The following VAMP2 variants were observed in gnomAD, a reference collection of about 807,000 sequenced individuals.
VAMP2 encodes vesicle-associated membrane protein 2.
For missense variants in VAMP2, 95 were observed against 151.3 expected, an observed-to-expected ratio of 0.63 and a Z score of 1.95; for synonymous variants, 67 against 57.3, an observed-to-expected ratio of 1.17 and a Z score of -0.76.
intron 4 of VAMP2, 37 bp downstream of exon 4, chr17:8,161,436 C>T (rs1488350729): frequency 6.2e-7 from 1 of 1,612,620 alleles, no homozygotes; most frequent in Non-Finnish European, 8.5e-7. Flanking sequence ...GGAAACCTCT[C>T]CAGGGAAAGG....
At position 8,161,451 on chromosome 17, in the gene VAMP2, C is replaced by T. The variant is rs529841013; in HGVS notation, c.334+22G>A. On this transcript the variant is annotated intron_variant, in intron 4 of 4. Coordinates refer to ENST00000316509, the MANE Select transcript of VAMP2 (RefSeq NM_014232.3). The stretch of plus-strand genomic sequence containing the variant: ...GGAAACCTCTCCAGGGAAAGGGCCC[C>T]GGCCATTCTCACCCTACTCACCTAT... 9 of 1,613,688 alleles carry T rather than the reference C, an allele frequency of 5.6e-6. No individual in the cohort carries two copies. The East Asian group carries it at 1.3e-4, about 24-fold the overall frequency.
At chr17:8,161,562 G>T (rs1983313806) in intron 3 of VAMP2, 38 bp from the exon 4 acceptor site, 1 of 1,613,970 alleles carries the variant, frequency 6.2e-7, no homozygotes, top group Non-Finnish European at 8.5e-7. Flanking sequence ...GACAAACTAT[G>T]ATACCCCATT....
At chr17:8,162,663 G>A in intron 1 of VAMP2, 2 of 1,387,934 alleles carry the variant, frequency 1.4e-6, no homozygotes, top group Non-Finnish European at 1.9e-6. Context: ...GGGAGGGGCA[G>A]GAGGACACTG....
At position 8,160,752 on chromosome 17, in the gene VAMP2, G is replaced by A. The variant is rs1047232573; in HGVS notation, c.*103C>T. The A allele has an allele frequency of 4.7e-6, 6 of 1,272,926 alleles. No individual in the cohort carries two copies. The highest frequency in any genetic ancestry group is 1.5e-5 in the African/African-American group (1 of 67,294). 78.9% of individuals were successfully genotyped at this position (1,272,926 alleles called of 1,614,324 possible). ...CACACACACGGACACACACACACAC[G>A]GATCCAGGGGAGTGGGGGCTGAAAG... On this transcript the variant is annotated 3_prime_UTR_variant, in exon 5 of 5. Transcript: ENST00000316509.
intron 1 of VAMP2, chr17:8,162,573 C>T: frequency 6.9e-7 from 1 of 1,457,182 alleles, no homozygotes; most frequent in Non-Finnish European, 9.1e-7. Flanking sequence ...CCTCAGTTTC[C>T]CCGCCTGTCA....
In VAMP2 at chr17:8,160,801, G is replaced by T; in HGVS notation, c.*54C>A. On this transcript the variant is annotated 3_prime_UTR_variant, in exon 5 of 5. Transcript: ENST00000316509. ...AGATATGGCTGAGAGGTGGAGGAAC[G>T]GCTGAGGGTTGGGGGAGAGGCCCTT... 1 of 1,585,090 alleles carries T rather than the reference G, an allele frequency of 6.3e-7. No individual in the cohort carries two copies. Among genetic ancestry groups the T allele is most frequent in the Non-Finnish European group, 8.6e-7 (1 of 1,161,494 alleles).
Position 8,161,814 on chromosome 17 carries a change from A to T in VAMP2, c.124-48T>A, listed in dbSNP as rs767018458. 7 of 1,591,788 alleles carry T rather than the reference A, an allele frequency of 4.4e-6. No homozygotes were observed. The Admixed American group carries it at 5.1e-5, about 12-fold the overall frequency. On this transcript the variant is annotated intron_variant, in intron 2 of 4. Transcript: ENST00000316509. The stretch of plus-strand genomic sequence containing the variant: ...AGGGGGGTGTGCCAAGGCCCACCTC[A>T]GTGAGGGCAATCCTCAAACATGTGC...
At chr17:8,162,714 C>T (rs1278537238) in intron 1 of VAMP2, 164 bp downstream of exon 1, 1 of 1,304,358 alleles carries the variant, frequency 7.7e-7, no homozygotes, top group African/African-American at 1.5e-5. Context: ...GCCGGCCAGC[C>T]CGGGACGCGG....
At chr17:8,161,147 T>A in intron 4 of VAMP2, 2 of 555,474 alleles carry the variant, frequency 3.6e-6, no homozygotes, top group Non-Finnish European at 6.4e-6. Context: ...GTGGTTGGCT[T>A]CCTGGTCATG....
At position 8,159,499 on chromosome 17, in the gene VAMP2, T is replaced by TATTG. The variant is rs1983226180; in HGVS notation, c.*1355_*1356insCAAT. On this transcript the variant is annotated 3_prime_UTR_variant, in exon 5 of 5. Transcript: ENST00000316509. ...AATGAGAGGACAGCTCTCTCTGGGC[T>TATTG]CAATAGTCCTGGAGAGGGGCAAGCA... 1 of 152,578 alleles carries TATTG rather than the reference T, an allele frequency of 6.6e-6. No homozygotes were observed. 9.5% of individuals were successfully genotyped at this position (152,578 alleles called of 1,614,324 possible).
Position 8,160,770 on chromosome 17 carries a change from G to T in VAMP2, c.*85C>A, listed in dbSNP as rs966816441. The T allele has an allele frequency of 6.7e-6, 10 of 1,501,216 alleles. No individual in the cohort carries two copies. The Admixed American group carries it at 1.3e-4, about 19-fold the overall frequency. 93.0% of individuals were successfully genotyped at this position (1,501,216 alleles called of 1,614,324 possible). On this transcript the variant is annotated 3_prime_UTR_variant, in exon 5 of 5. Transcript: ENST00000316509. ...CACACACGGATCCAGGGGAGTGGGG[G>T]CTGAAAGATATGGCTGAGAGGTGGA...
rs1263959393 is a variant in VAMP2, at chr17:8,162,359, C to G, written c.13G>C (p.Ala5Pro). ...GGGGCAGCAGGGGGGGCCGTGGCAGCGGTAGCAGACCTGAGGAGCAGGGAC... is the reference window on the plus strand; with the variant it reads ...GGGGCAGCAGGGGGGGCCGTGGCAGGGGTAGCAGACCTGAGGAGCAGGGAC... The part of the protein sequence containing the change: MSAT[A>P]ATAPPAAPAG... The change falls in exon 2 of 5, where the codon GCT (alanine) becomes CCT (proline). Residue 5 changes from alanine (A) to proline (P), a missense_variant. Physicochemically the swap from Ala to Pro is conservative, Grantham distance 27. Coordinates refer to ENST00000316509, the MANE Select transcript of VAMP2 (RefSeq NM_014232.3). 1 of 1,608,574 alleles carries G rather than the reference C, an allele frequency of 6.2e-7. No homozygotes were observed. The highest frequency in any genetic ancestry group is 1.7e-5 in the Admixed American group (1 of 58,778).
At position 8,159,440 on chromosome 17, in the gene VAMP2, A is replaced by G. The variant is rs1419045254; in HGVS notation, c.*1415T>C. ...AAACCCTTAAAATTGTGCCATTTAA[A>G]AAGACAATAGACCCTTCCTCAATCA... On this transcript the variant is annotated 3_prime_UTR_variant, in exon 5 of 5. Transcript: ENST00000316509. 2 of 152,598 alleles carry G rather than the reference A, an allele frequency of 1.3e-5. No individual in the cohort carries two copies. Among genetic ancestry groups the G allele is most frequent in the Admixed American group, 1.3e-4 (2 of 15,282 alleles). The allele number at this position is 152,598 out of a possible 1,614,324, so 9.5% of individuals were successfully genotyped here. A position where few individuals can be genotyped will look rare whatever the true frequency, so the allele number is the denominator to read the frequency against.
intron 4 of VAMP2, chr17:8,161,159 C>T (rs1451547044): frequency 1.4e-5 from 8 of 562,300 alleles, no homozygotes; most frequent in East Asian, 1.2e-4. Flanking sequence ...CTGGTCATGT[C>T]TCAAGCCCCT....
Position 8,160,811 on chromosome 17 carries a change from T to C in VAMP2, c.*44A>G, listed in dbSNP as rs1321766477. The C allele has an allele frequency of 6.3e-7, 1 of 1,597,266 alleles. No individual in the cohort carries two copies. Among genetic ancestry groups the C allele is most frequent in the East Asian group, 2.2e-5 (1 of 44,522 alleles). ...GAGAGGTGGAGGAACGGCTGAGGGTTGGGGGAGAGGCCCTTCTCTAGGCAG... is the reference window on the plus strand; with the variant it reads ...GAGAGGTGGAGGAACGGCTGAGGGTCGGGGGAGAGGCCCTTCTCTAGGCAG... On this transcript the variant is annotated 3_prime_UTR_variant, in exon 5 of 5. Transcript: ENST00000316509.
chr17:8,162,577 C>T (rs1473809343), intron 1 of VAMP2: 9 of 1,453,500 alleles, frequency 6.2e-6, no homozygotes, highest in Non-Finnish European at 8.2e-6. Flanking sequence ...AGTTTCCCCG[C>T]CTGTCAACTG....
chr17:8,161,579 C>T lies in VAMP2; in HGVS notation c.282+29G>A, dbSNP rs769563371. ...CAAACTATGATACCCCATTCACCCA[C>T]CTGTCCTCCTTCCTGTCCCCACCCT... On this transcript the variant is annotated intron_variant, in intron 3 of 4. Transcript: ENST00000316509. 2.1e-5 allele frequency: 34 copies of T among 1,613,850 alleles called. 1 individual carries two copies. The South Asian group carries it at 3.5e-4, about 17-fold the overall frequency.
intron 1 of VAMP2, 47 bp downstream of exon 1, chr17:8,162,831 C>T (rs1395160650): frequency 5.8e-6 from 7 of 1,214,164 alleles, no homozygotes; most frequent in East Asian, 3.3e-5. Context: ...CCAAGGGCGG[C>T]GGCCGGCGCA....
Position 8,160,769 on chromosome 17 carries a change from G to A in VAMP2, c.*86C>T, listed in dbSNP as rs1022003491. 78 of 1,498,776 alleles carry A rather than the reference G, an allele frequency of 5.2e-5. No homozygotes were observed. Among genetic ancestry groups the A allele is most frequent in the Non-Finnish European group, 5.9e-5 (65 of 1,098,312 alleles). 92.8% of individuals were successfully genotyped at this position (1,498,776 alleles called of 1,614,324 possible). A position where few individuals can be genotyped will look rare whatever the true frequency, so the allele number is the denominator to read the frequency against. On this transcript the variant is annotated 3_prime_UTR_variant, in exon 5 of 5. Coordinates refer to ENST00000316509, the MANE Select transcript of VAMP2 (RefSeq NM_014232.3). ...ACACACACGGATCCAGGGGAGTGGG[G>A]GCTGAAAGATATGGCTGAGAGGTGG...
Sources: allele counts gnomAD v4.1 joint callset, GRCh38; gene constraint gnomAD v4.1.1; transcripts MANE v1.5; gene names NCBI Gene and HGNC (gene_info 2026-07-23, HGNC 2026-07-21).